Variants in PRKN observed in about 807,000 individuals in gnomAD.
The protein encoded by PRKN is parkin RBR E3 ubiquitin protein ligase.
Under a neutral mutation model 59.5 loss-of-function variants are expected in PRKN, and 56 were observed. The observed-to-expected ratio is 0.94, with a 90% CI of 0.76 to 1.18. The LOEUF is 1.18. Ranked by LOEUF, PRKN falls within the 50% of genes most tolerant of loss-of-function variation. PRKN has a pLI of 0.00. For synonymous variants in PRKN, 250 were observed against 222.1 expected, an observed-to-expected ratio of 1.13 and a Z score of -1.12; for missense variants, 657 against 596.4, an observed-to-expected ratio of 1.10 and a Z score of -1.06.
chr6:162,310,750 T>A (rs981419986), intron 2 of PRKN, among the ~76,000 whole-genome samples: 667 of 61,834 alleles, frequency 0.011, 9 homozygotes, highest in African/African-American at 0.075. Context: ...ATAATAAAAA[T>A]ATATATATAT....
At position 161,468,891 on chromosome 6, in the gene PRKN, C is replaced by T. The variant is rs924634922; in HGVS notation, c.1083+79963G>A. Among the ~76,000 whole-genome samples, 1 of 152,170 alleles carries T rather than the reference C, an allele frequency of 6.6e-6. No homozygotes were observed. Among genetic ancestry groups the T allele is most frequent in the African/African-American group, 2.4e-5 (1 of 41,436 alleles). On this transcript the variant is annotated intron_variant, in intron 9 of 11. Transcript: ENST00000366898. This position sits in a 1 kb window ranked among gnomAD's most constrained non-coding sequence, Gnocchi z 5.9. ...TCCCATAAGACATACTCAACACCAA[C>T]CTGGTTAACTGATAATGCTGACTAC...
chr6:161,941,439 A>C (rs376938766), intron 6 of PRKN, among the ~76,000 whole-genome samples: 50 of 152,296 alleles, frequency 3.3e-4, no homozygotes, highest in Middle Eastern at 6.8e-3. Context: ...GGTGAAAACT[A>C]TCTCTCTTCT....
intron 6 of PRKN, among the ~76,000 whole-genome samples, chr6:161,803,925 T>C (rs1791198791): frequency 6.6e-6 from 1 of 152,024 alleles, no homozygotes; most frequent in African/African-American, 2.4e-5. Flanking sequence ...CTAAAAGGAA[T>C]GAAAGAAGAT....
intron 2 of PRKN, among the ~76,000 whole-genome samples, chr6:162,399,180 C>T (rs150713517): frequency 6.6e-6 from 1 of 152,122 alleles, no homozygotes; most frequent in East Asian, 1.9e-4. Context: ...GCCACATAAG[C>T]AACAGCAATT....
At chr6:162,693,377 C>CA (rs1777849220) in intron 1 of PRKN, among the ~76,000 whole-genome samples, 1 of 152,180 alleles carries the variant, frequency 6.6e-6, no homozygotes. Context: ...ATCAAAGAAG[C>CA]ATGTTGTCAG....
chr6:162,590,897 C>T (rs1781278930), intron 1 of PRKN, among the ~76,000 whole-genome samples: 1 of 152,066 alleles, frequency 6.6e-6, no homozygotes, highest in Non-Finnish European at 1.5e-5. Context: ...ATGGCTGGCC[C>T]CACAGACTAT....
intron 2 of PRKN, among the ~76,000 whole-genome samples, chr6:162,355,407 CTA>C (rs1003552631): frequency 1.3e-5 from 2 of 151,178 alleles, no homozygotes; most frequent in Admixed American, 6.6e-5. Flanking sequence ...ATCTATCTAT[CTA>C]TATATATATA....
At chr6:161,752,370 C>T (rs1562655809) in intron 7 of PRKN, among the ~76,000 whole-genome samples, 2 of 107,654 alleles carry the variant, frequency 1.9e-5, no homozygotes, top group African/African-American at 5.2e-5. Flanking sequence ...CTGTCTCAAA[C>T]AAACAAAAAA....
At chr6:162,158,930 A>G (rs182889032) in intron 4 of PRKN, among the ~76,000 whole-genome samples, 4 of 152,056 alleles carry the variant, frequency 2.6e-5, no homozygotes, top group Admixed American at 2.0e-4. Context: ...TCCCCTGTTC[A>G]TGAATGCTCA....
At chr6:161,486,400 A>G (rs1457358525) in intron 9 of PRKN, among the ~76,000 whole-genome samples, 3 of 152,338 alleles carry the variant, frequency 2.0e-5, no homozygotes, top group Admixed American at 6.5e-5. Flanking sequence ...TATATTTAAA[A>G]ATGAAATTTG....
chr6:162,339,576 C>T (rs1250194278), intron 2 of PRKN, among the ~76,000 whole-genome samples: 5 of 149,674 alleles, frequency 3.3e-5, no homozygotes, highest in Admixed American at 1.3e-4. Context: ...CGCCTCTGCC[C>T]GGCCGCCCCT....
chr6:162,226,713 T>C (rs1778195636), intron 3 of PRKN, among the ~76,000 whole-genome samples: 1 of 152,170 alleles, frequency 6.6e-6, no homozygotes, highest in South Asian at 2.1e-4. Context: ...TTTGTATTTT[T>C]AGTAGAGACG....
At chr6:162,338,534 G>T (rs897978076) in intron 2 of PRKN, among the ~76,000 whole-genome samples, 2 of 152,170 alleles carry the variant, frequency 1.3e-5, no homozygotes, top group Non-Finnish European at 2.9e-5. Flanking sequence ...GATTGCAGAC[G>T]GAGTCTCCTT....
intron 6 of PRKN, among the ~76,000 whole-genome samples, chr6:161,829,335 G>A (rs968266578): frequency 6.6e-6 from 1 of 152,224 alleles, no homozygotes; most frequent in Non-Finnish European, 1.5e-5. Flanking sequence ...GCCAACCACA[G>A]TCTGGTCTGC....
In PRKN at chr6:161,484,336, A is replaced by G. The variant is rs1305507093; in HGVS notation, c.1083+64518T>C. ...ATGCTGAGACGCACTGGAAACCTCTAGATGGGCCATCCAGCCTGAAGAAAG... is the reference window on the plus strand; with the variant it reads ...ATGCTGAGACGCACTGGAAACCTCTGGATGGGCCATCCAGCCTGAAGAAAG... On this transcript the variant is annotated intron_variant, in intron 9 of 11. Coordinates refer to ENST00000366898, the MANE Select transcript of PRKN (RefSeq NM_004562.3). This position sits in a 1 kb window ranked among gnomAD's most constrained non-coding sequence, Gnocchi z 4.9. 6.6e-6 allele frequency among the ~76,000 whole-genome samples: 1 copy of G among 152,138 alleles called. No homozygotes were observed. Among genetic ancestry groups the G allele is most frequent in the Non-Finnish European group, 1.5e-5 (1 of 68,030 alleles).
chr6:162,524,873 TCCCAAGG>T (rs1778218147), intron 1 of PRKN, among the ~76,000 whole-genome samples: 1 of 152,164 alleles, frequency 6.6e-6, no homozygotes, highest in African/African-American at 2.4e-5. Context: ...TTCCAAACTC[TCCCAAGG>T]TTATAAGACT....
At chr6:161,772,295 T>C (rs554218314) in intron 7 of PRKN, among the ~76,000 whole-genome samples, 2 of 152,304 alleles carry the variant, frequency 1.3e-5, no homozygotes, top group South Asian at 2.1e-4. Flanking sequence ...TTCTGACTAG[T>C]TGCAAAAATC....
intron 2 of PRKN, among the ~76,000 whole-genome samples, chr6:162,391,884 A>G (rs12665151): frequency 0.07 from 10,662 of 152,240 alleles, 732 homozygotes; most frequent in East Asian, 0.38. Context: ...AGGCCAACGC[A>G]TTACATTTTT....
chr6:161,729,630 G>A (rs1223600851), intron 7 of PRKN, among the ~76,000 whole-genome samples: 1 of 152,204 alleles, frequency 6.6e-6, no homozygotes, highest in African/African-American at 2.4e-5. Context: ...TGACTCAGAT[G>A]TGATGTGTGT....
Sources: allele counts gnomAD v4.1 joint callset (sites outside exome capture counted in the v4.1 genomes callset), GRCh38; gene constraint gnomAD v4.1.1; non-coding constraint Gnocchi (gnomAD v3.1); transcripts MANE v1.5; gene names NCBI Gene and HGNC (gene_info 2026-07-23, HGNC 2026-07-21).